The following IMMP2L variants were observed in gnomAD, a reference collection of about 807,000 sequenced individuals.
The protein encoded by IMMP2L is mitochondrial inner membrane protease subunit 2.
IMMP2L carries 18 observed loss-of-function variants against 19.3 expected under a neutral mutation model. The observed-to-expected ratio is 0.93, with a 90% CI of 0.64 to 1.38. The LOEUF (loss-of-function observed/expected upper bound fraction) is 1.38, where lower values mean the gene tolerates loss of function less well. Among genes scored for constraint, IMMP2L ranks in the 40% most tolerant of loss-of-function variants. The probability of loss-of-function intolerance (pLI) is 0.00; values close to 1 mark genes in which losing one functional copy is unlikely to be tolerated. For synonymous variants in IMMP2L, 76 were observed against 73.0 expected (o/e 1.04, Z -0.21); for missense variants, 233 against 218.2 (o/e 1.07, Z -0.43).
intron 5 of IMMP2L, among the ~76,000 whole-genome samples, chr7:110,695,205 T>G (rs1793796441): frequency 6.6e-6 from 1 of 152,178 alleles, no homozygotes; most frequent in Non-Finnish European, 1.5e-5. Context: ...GTTTGTCTGT[T>G]TATTGAGACA....
chr7:111,065,826 A>G (rs990917752), intron 3 of IMMP2L, among the ~76,000 whole-genome samples: 1 of 152,084 alleles, frequency 6.6e-6, no homozygotes, highest in Non-Finnish European at 1.5e-5. Flanking sequence ...TTGTAAGATA[A>G]TACTACTTAA....
intron 3 of IMMP2L, among the ~76,000 whole-genome samples, chr7:111,188,190 T>C (rs1808481664): frequency 6.6e-6 from 1 of 152,148 alleles, no homozygotes; most frequent in Non-Finnish European, 1.5e-5. Context: ...GCTTTTTCAA[T>C]AACAGCTTAA....
At chr7:110,689,585 C>T (rs1290170686) in intron 5 of IMMP2L, among the ~76,000 whole-genome samples, 8 of 152,116 alleles carry the variant, frequency 5.3e-5, no homozygotes, top group Non-Finnish European at 1.0e-4. Flanking sequence ...CCTCTTTTTA[C>T]TGTAGGGTGT....
At position 111,081,899 on chromosome 7, in the gene IMMP2L, C is replaced by T. The variant is rs149164119; in HGVS notation, c.240-118334G>A. Among the ~76,000 whole-genome samples the T allele has an allele frequency of 4.6e-3, 704 of 152,276 alleles. 4 individuals carry two copies. The highest frequency in any genetic ancestry group is 0.016 in the African/African-American group (670 of 41,556). On this transcript the variant is annotated intron_variant, in intron 3 of 5. Coordinates refer to ENST00000405709, the MANE Select transcript of IMMP2L (RefSeq NM_032549.4). ...ATGAAAGTCCCGCAAACCCTACTTTCCAGAGTGAGGAAGAAAGAATGATTG... is the reference window on the plus strand; with the variant it reads ...ATGAAAGTCCCGCAAACCCTACTTTTCAGAGTGAGGAAGAAAGAATGATTG...
chr7:111,138,141 C>T (rs544597713), intron 3 of IMMP2L, among the ~76,000 whole-genome samples: 1 of 152,150 alleles, frequency 6.6e-6, no homozygotes, highest in East Asian at 1.9e-4. Flanking sequence ...TTGTGCTACA[C>T]CTTTGTATAA....
intron 5 of IMMP2L, among the ~76,000 whole-genome samples, chr7:110,770,787 C>T (rs188337706): frequency 1.3e-5 from 2 of 152,268 alleles, no homozygotes; most frequent in African/African-American, 4.8e-5. Flanking sequence ...ATATAGCGCT[C>T]CTGGGACGTC....
At chr7:111,461,143 C>G in intron 3 of IMMP2L, among the ~76,000 whole-genome samples, 1 of 152,042 alleles carries the variant, frequency 6.6e-6, no homozygotes, top group South Asian at 2.1e-4. Flanking sequence ...ACAAATAATT[C>G]TGTTAGGAAC....
At chr7:110,763,393 C>T (rs1798468488) in intron 5 of IMMP2L, among the ~76,000 whole-genome samples, 1 of 152,026 alleles carries the variant, frequency 6.6e-6, no homozygotes. Context: ...CATTGAGTGC[C>T]TACTCTGAGC....
At chr7:110,819,729 T>C (rs1181712669) in intron 5 of IMMP2L, among the ~76,000 whole-genome samples, 3 of 151,962 alleles carry the variant, frequency 2.0e-5, no homozygotes, top group Non-Finnish European at 4.4e-5. Flanking sequence ...CTAGAGGAGC[T>C]CAGAATGGGG....
intron 3 of IMMP2L, among the ~76,000 whole-genome samples, chr7:111,431,228 T>C (rs1836596975): frequency 6.6e-6 from 1 of 151,894 alleles, no homozygotes; most frequent in Non-Finnish European, 1.5e-5. Context: ...AGATCTTTTG[T>C]TAGATAACAA....
At chr7:111,270,285 T>A (rs1818317258) in intron 3 of IMMP2L, among the ~76,000 whole-genome samples, 1 of 152,150 alleles carries the variant, frequency 6.6e-6, no homozygotes, top group East Asian at 1.9e-4. Flanking sequence ...AAAGTTATCA[T>A]TACCTGTCTC....
chr7:110,989,699 C>T (rs1211319906), intron 3 of IMMP2L, among the ~76,000 whole-genome samples: 1 of 149,900 alleles, frequency 6.7e-6, no homozygotes, highest in Non-Finnish European at 1.5e-5. Flanking sequence ...AAATATACAC[C>T]AATGACAAAA....
rs1563004011 is a variant in IMMP2L, at chr7:111,281,146, GAC to G, written c.239+206090_239+206091del. Among the ~76,000 whole-genome samples, 203 of 52,102 alleles carry G rather than the reference GAC, an allele frequency of 3.9e-3. 1 individual carries two copies. The highest frequency in any genetic ancestry group is 6.4e-3 in the South Asian group (8 of 1,252). 34.2% of individuals were successfully genotyped at this position (52,102 alleles called of 152,430 possible). A position where few individuals can be genotyped will look rare whatever the true frequency, so the allele number is the denominator to read the frequency against. On this transcript the variant is annotated intron_variant, in intron 3 of 5. Coordinates refer to ENST00000405709, the MANE Select transcript of IMMP2L (RefSeq NM_032549.4). ...AGAGAGAAAGAGAGAAAGACAGAAA[GAC>G]AGAAAGACAGAAAGAAAGAAAGAAA... is the stretch of plus-strand genomic sequence containing the variant.
intron 3 of IMMP2L, among the ~76,000 whole-genome samples, chr7:111,083,170 C>G (rs1445824758): frequency 6.6e-6 from 1 of 151,940 alleles, no homozygotes; most frequent in Admixed American, 6.6e-5. Context: ...CAGGACGACA[C>G]AATAATTAGA....
At chr7:110,867,928 C>G (rs566459413) in intron 5 of IMMP2L, among the ~76,000 whole-genome samples, 8 of 152,116 alleles carry the variant, frequency 5.3e-5, no homozygotes, top group African/African-American at 1.4e-4. Flanking sequence ...ATGCACTGCT[C>G]AGTCATGGTG....
chr7:111,068,443 C>T (rs1052147550), intron 3 of IMMP2L, among the ~76,000 whole-genome samples: 7 of 151,340 alleles, frequency 4.6e-5, no homozygotes, highest in African/African-American at 1.7e-4. Context: ...TTCATGAAAA[C>T]AATATGCAGC....
rs369902615 is a variant in IMMP2L at position 111,309,755 on chromosome 7, T to C, written c.239+177483A>G. ...TTGTACTTGTGACCGACAGAAATAA[T>C]ATATATTTTGAAATATTGTTACACT... On this transcript the variant is annotated intron_variant, in intron 3 of 5. Coordinates refer to ENST00000405709, the MANE Select transcript of IMMP2L (RefSeq NM_032549.4). Among the ~76,000 whole-genome samples the C allele has an allele frequency of 3.3e-5, 5 of 152,126 alleles. No individual in the cohort carries two copies. The East Asian group carries it at 7.7e-4, about 23-fold the overall frequency.
Position 111,123,451 on chromosome 7 carries a change from A to C in IMMP2L, c.240-159886T>G, listed in dbSNP as rs769370648. The C allele has an allele frequency of 6.2e-6, 10 of 1,613,496 alleles. No homozygotes were observed. Among genetic ancestry groups the C allele is most frequent in the Non-Finnish European group, 8.5e-6 (10 of 1,179,892 alleles). On this transcript the variant is annotated intron_variant, in intron 3 of 5. Coordinates refer to ENST00000405709, the MANE Select transcript of IMMP2L (RefSeq NM_032549.4). The surrounding 1 kb of genome is among the most constrained non-coding windows in gnomAD (Gnocchi z 6.4). ...TATAGCTGGTATAAACCTCACAGAA[A>C]TACCAGATAACGCCTTGGTTGGACT...
At chr7:111,133,935 T>A (rs1339561834) in intron 3 of IMMP2L, among the ~76,000 whole-genome samples, 2 of 152,024 alleles carry the variant, frequency 1.3e-5, no homozygotes, top group African/African-American at 4.8e-5. Flanking sequence ...TAAAAATACA[T>A]CTCCTATGAA....
Sources: gnomAD v4.1 joint callset for allele counts (sites outside exome capture counted in the v4.1 genomes callset) on GRCh38, gnomAD v4.1.1 for gene constraint, Gnocchi (gnomAD v3.1) non-coding constraint, MANE v1.5 for transcripts, NCBI Gene and HGNC (gene_info 2026-07-23, HGNC 2026-07-21) for gene names.